OR4K17: variants seen among roughly 807,000 people sequenced by gnomAD.
OR4K17 encodes the protein olfactory receptor 4K17.
For synonymous variants in OR4K17, 157 were observed against 132.8 expected (o/e 1.18, Z -1.25); for missense variants, 480 against 366.3 (o/e 1.31, Z -2.53).
At chr14:20,111,160 T>A (rs1186097372) in intron 1 of OR4K17, among the ~76,000 whole-genome samples, 1 of 152,064 alleles carries the variant, frequency 6.6e-6, no homozygotes, top group Non-Finnish European at 1.5e-5. Flanking sequence ...GAATTTATTA[T>A]CATTTGGAAA....
chr14:20,118,034 TG>T lies in OR4K17; in HGVS notation c.536del (p.Cys179LeufsTer12). On this transcript the variant is annotated frameshift_variant, in exon 2 of 2. Transcript: ENST00000641386. LOFTEE classifies it low-confidence loss of function (END_TRUNC). ...TCCCAATGTGGTAGACAGCATTTTTTGTGACCTCCCTTTGGTTACTAAGCTT... is the reference window on the plus strand; with the variant it reads ...TCCCAATGTGGTAGACAGCATTTTTTTGACCTCCCTTTGGTTACTAAGCTT... ...CGPNVVDSIF[C>X]DLPLVTKLAC... 1.2e-6 allele frequency: 2 copies of T among 1,614,222 alleles called. No individual in the cohort carries two copies. Among genetic ancestry groups the T allele is most frequent in the Non-Finnish European group, 1.7e-6 (2 of 1,180,032 alleles).
In OR4K17 at chr14:20,117,958, C is replaced by A; in HGVS notation, c.459C>A (p.Leu153=). ...TAGTGACCTCATGGCTCTTGGGTCTCCTTCACTCAGGGTTTCAGATACCAT... is the reference window on the plus strand; with the variant it reads ...TAGTGACCTCATGGCTCTTGGGTCTACTTCACTCAGGGTTTCAGATACCAT... The part of the protein sequence containing the change: ...LLVVTSWLLG[L]LHSGFQIPFA... Residue 153 remains leucine, a synonymous_variant, in exon 2 of 2, where the codon CTC becomes CTA. Transcript: ENST00000641386. 6.2e-7 allele frequency: 1 copy of A among 1,614,072 alleles called. No homozygotes were observed. The highest frequency in any genetic ancestry group is 1.1e-5 in the South Asian group (1 of 91,074).
At chr14:20,116,012 G>C (rs1353451760) in intron 1 of OR4K17, among the ~76,000 whole-genome samples, 1 of 152,084 alleles carries the variant, frequency 6.6e-6, no homozygotes, top group African/African-American at 2.4e-5. Flanking sequence ...ATTCATAAAA[G>C]ATAATAATAG....
rs1055139454 is a variant in OR4K17, at chr14:20,121,463, T to C, written c.*3025T>C. On this transcript the variant is annotated 3_prime_UTR_variant, in exon 2 of 2. Transcript: ENST00000641386. The stretch of plus-strand genomic sequence containing the variant: ...AAATAACATAAAAATATGTAAATTG[T>C]GACAGTAAAAACATAAAATGTGTGG... The C allele has an allele frequency of 1.3e-5, 2 of 152,112 alleles. No homozygotes were observed. The highest frequency in any genetic ancestry group is 4.8e-5 in the African/African-American group (2 of 41,420). 9.4% of individuals were successfully genotyped at this position (152,112 alleles called of 1,614,324 possible).
rs1385881027 is a variant in OR4K17 at position 20,122,164 on chromosome 14, A to G, written c.*3726A>G. The G allele has an allele frequency of 6.6e-6, 1 of 152,068 alleles. No individual in the cohort carries two copies. The highest frequency in any genetic ancestry group is 1.5e-5 in the Non-Finnish European group (1 of 67,942). 9.4% of individuals were successfully genotyped at this position (152,068 alleles called of 1,614,324 possible). A position where few individuals can be genotyped will look rare whatever the true frequency, so the allele number is the denominator to read the frequency against. On this transcript the variant is annotated 3_prime_UTR_variant, in exon 2 of 2. Coordinates refer to ENST00000641386, the MANE Select transcript of OR4K17 (RefSeq NM_001004715.5). Reference sequence around the variant, plus strand: ...TAAATTATCTGAACAAAAGACACAGAGTGGCTAAATGAATAAAAAGATAAA... The same window carrying G: ...TAAATTATCTGAACAAAAGACACAGGGTGGCTAAATGAATAAAAAGATAAA...
intron 1 of OR4K17, among the ~76,000 whole-genome samples, chr14:20,114,317 A>C (rs181277358): frequency 1.3e-5 from 2 of 151,968 alleles, no homozygotes; most frequent in South Asian, 4.1e-4. Flanking sequence ...AAATTCATGC[A>C]TATTTTCTCC....
intron 1 of OR4K17, among the ~76,000 whole-genome samples, chr14:20,115,309 T>A (rs1877962108): frequency 6.6e-6 from 1 of 152,076 alleles, no homozygotes; most frequent in South Asian, 2.1e-4. Flanking sequence ...ATAGCAAAAA[T>A]AATCTCTTTG....
rs1483901595 is a variant in OR4K17 at position 20,119,922 on chromosome 14, A to T, written c.*1484A>T. On this transcript the variant is annotated 3_prime_UTR_variant, in exon 2 of 2. Coordinates refer to ENST00000641386, the MANE Select transcript of OR4K17 (RefSeq NM_001004715.5). ...TCTTAAGTATAGAGTTATTAGCTAC[A>T]CTGAGATGAAGGCAAGTAAAATGCA... The T allele has an allele frequency of 6.6e-6, 1 of 152,190 alleles. No homozygotes were observed. Among genetic ancestry groups the T allele is most frequent in the Non-Finnish European group, 1.5e-5 (1 of 68,032 alleles). The allele number at this position is 152,190 out of a possible 1,614,324, so 9.4% of individuals were successfully genotyped here. A position where few individuals can be genotyped will look rare whatever the true frequency, so the allele number is the denominator to read the frequency against.
rs764878924 is a variant in OR4K17 at position 20,117,605 on chromosome 14, G to A, written c.106G>A (p.Val36Met). The change falls in exon 2 of 2, where the codon GTG becomes ATG. Residue 36 changes from valine to methionine, a missense_variant. By Grantham distance (21) the Val-to-Met change is conservative. Transcript: ENST00000641386. ...CTTTGCCCTCTTCTCGGTTATCTAT[G>A]TGGTCACAGTTTTGGGTAACCTTCT... ...LLFALFSVIY[V>M]VTVLGNLLII... The A allele has an allele frequency of 9.9e-6, 16 of 1,613,792 alleles. No homozygotes were observed. Among genetic ancestry groups the A allele is most frequent in the African/African-American group, 2.7e-5 (2 of 74,876 alleles).
In OR4K17 at chr14:20,118,128, G is replaced by C; in HGVS notation, c.629G>C (p.Cys210Ser). The C allele has an allele frequency of 6.2e-7, 1 of 1,614,042 alleles. No homozygotes were observed. The highest frequency in any genetic ancestry group is 1.1e-5 in the South Asian group (1 of 91,076). ...AACAGTGGCATAATCTCCCTGAGCT[G>C]TTTCATTATTTTGCTTATCTCCTAC... ...VANSGIISLS[C>S]FIILLISYSL... is the part of the protein sequence containing the mutation. Residue 210 changes from cysteine (C) to serine (S), a missense_variant, in exon 2 of 2, where the codon TGT becomes TCT. Transcript: ENST00000641386.
At position 20,119,125 on chromosome 14, in the gene OR4K17, A is replaced by G. The variant is rs1244321736; in HGVS notation, c.*687A>G. The G allele has an allele frequency of 6.6e-6, 1 of 152,162 alleles. No individual in the cohort carries two copies. 9.4% of individuals were successfully genotyped at this position (152,162 alleles called of 1,614,324 possible). A position where few individuals can be genotyped will look rare whatever the true frequency, so the allele number is the denominator to read the frequency against. ...GAATTCAGCGATATTTCTCCTATTC[A>G]CTTTTGTAAGAAGAGAAATATGACT... On this transcript the variant is annotated 3_prime_UTR_variant, in exon 2 of 2. Coordinates refer to ENST00000641386, the MANE Select transcript of OR4K17 (RefSeq NM_001004715.5).
chr14:20,117,630 T>C lies in OR4K17; in HGVS notation c.131T>C (p.Leu44Pro), dbSNP rs774532137. The stretch of plus-strand genomic sequence containing the variant: ...GTGGTCACAGTTTTGGGTAACCTTC[T>C]TATTATAGTCACAGTGTTTAACACC... ...IYVVTVLGNL[L>P]IIVTVFNTPN... The change falls in exon 2 of 2, where the codon CTT (leucine) becomes CCT (proline). Residue 44 changes from leucine to proline, a missense_variant. Transcript: ENST00000641386. The C allele has an allele frequency of 6.2e-7, 1 of 1,613,958 alleles. No individual in the cohort carries two copies. Among genetic ancestry groups the C allele is most frequent in the East Asian group, 2.2e-5 (1 of 44,880 alleles).
At chr14:20,117,433 C>A (rs750788527) in intron 1 of OR4K17, 35 bp from the exon 2 acceptor site, 3 of 1,605,490 alleles carry the variant, frequency 1.9e-6, no homozygotes, top group Middle Eastern at 1.7e-4. Flanking sequence ...CACTCATACT[C>A]CATGGTATGA....
rs1474785145 is a variant in OR4K17, at chr14:20,118,278, G to C, written c.779G>C (p.Trp260Ser). Residue 260 changes from tryptophan to serine, a missense_variant, in exon 2 of 2, where the codon TGG (tryptophan) becomes TCG (serine). Coordinates refer to ENST00000641386, the MANE Select transcript of OR4K17 (RefSeq NM_001004715.5). The part of the protein sequence containing the change: ...FFGPCIFIYI[W>S]PFGNHSVDKF... ...GGCCCATGCATCTTTATCTACATTTGGCCCTTCGGCAACCACTCTGTAGAT... is the reference window on the plus strand; with the variant it reads ...GGCCCATGCATCTTTATCTACATTTCGCCCTTCGGCAACCACTCTGTAGAT... The C allele has an allele frequency of 6.2e-7, 1 of 1,613,802 alleles. No homozygotes were observed. Among genetic ancestry groups the C allele is most frequent in the Non-Finnish European group, 8.5e-7 (1 of 1,179,872 alleles).
rs1878104626 is a variant in OR4K17, at chr14:20,119,397, A to T, written c.*959A>T. ...GACAGGCATAGGAAATCACAAGAGT[A>T]TTGATTGGGGAAGTGATAAATGTCC... On this transcript the variant is annotated 3_prime_UTR_variant, in exon 2 of 2. Coordinates refer to ENST00000641386, the MANE Select transcript of OR4K17 (RefSeq NM_001004715.5). 6.6e-6 allele frequency: 1 copy of T among 152,244 alleles called. No individual in the cohort carries two copies. The highest frequency in any genetic ancestry group is 2.1e-4 in the South Asian group (1 of 4,834). The allele number at this position is 152,244 out of a possible 1,614,324, so 9.4% of individuals were successfully genotyped here.
Position 20,120,618 on chromosome 14 carries a change from C to G in OR4K17, c.*2180C>G, listed in dbSNP as rs1304604721. The stretch of plus-strand genomic sequence containing the variant: ...TCCGTCACAAGGTCCCCAGCTATTT[C>G]AAAAGCACCTGCACCTTGCATACCA... On this transcript the variant is annotated 3_prime_UTR_variant, in exon 2 of 2. Transcript: ENST00000641386. 1 of 152,258 alleles carries G rather than the reference C, an allele frequency of 6.6e-6. No homozygotes were observed. The highest frequency in any genetic ancestry group is 6.5e-5 in the Admixed American group (1 of 15,278). 9.4% of individuals were successfully genotyped at this position (152,258 alleles called of 1,614,324 possible).
At chr14:20,115,905 A>C (rs1877980660) in intron 1 of OR4K17, among the ~76,000 whole-genome samples, 1 of 152,180 alleles carries the variant, frequency 6.6e-6, no homozygotes, top group Non-Finnish European at 1.5e-5. Context: ...ACTATTTTTC[A>C]CACAGCTATA....
chr14:20,117,309 C>T lies in OR4K17; in HGVS notation c.-32-159C>T, dbSNP rs897619474. On this transcript the variant is annotated intron_variant, in intron 1 of 1. Coordinates refer to ENST00000641386, the MANE Select transcript of OR4K17 (RefSeq NM_001004715.5). ...CTTTTATGGAAGTGGACAGCTCAGA[C>T]TATACGTCTCCTTTTTCAGACTTAA... The T allele has an allele frequency of 2.2e-5, 18 of 814,916 alleles. No individual in the cohort carries two copies. The African/African-American group carries it at 3.1e-4, about 14-fold the overall frequency. 50.5% of individuals were successfully genotyped at this position (814,916 alleles called of 1,614,324 possible). A position where few individuals can be genotyped will look rare whatever the true frequency, so the allele number is the denominator to read the frequency against.
In OR4K17 at chr14:20,121,297, T is replaced by C. The variant is rs1337815445; in HGVS notation, c.*2859T>C. 1 of 152,128 alleles carries C rather than the reference T, an allele frequency of 6.6e-6. No individual in the cohort carries two copies. Among genetic ancestry groups the C allele is most frequent in the Non-Finnish European group, 1.5e-5 (1 of 68,026 alleles). The allele number at this position is 152,128 out of a possible 1,614,324, so 9.4% of individuals were successfully genotyped here. On this transcript the variant is annotated 3_prime_UTR_variant, in exon 2 of 2. Transcript: ENST00000641386. ...TCCCAGACAAAGACTTCACAATAAT[T>C]GTCTTAAGGAAGTGCAGTAAAGTCC... is the stretch of plus-strand genomic sequence containing the variant.
Sources: allele counts gnomAD v4.1 joint callset (sites outside exome capture counted in the v4.1 genomes callset), GRCh38; gene constraint gnomAD v4.1.1; transcripts MANE v1.5; gene names NCBI Gene and HGNC (gene_info 2026-07-23, HGNC 2026-07-21).